NTM: variants seen among roughly 807,000 people sequenced by gnomAD.
NTM encodes IgLON family member 2.
NTM carries 13 observed loss-of-function variants against 42.1 expected under a neutral mutation model. That is an observed-to-expected ratio of 0.31 (90% CI 0.20 to 0.49). NTM has a LOEUF of 0.49. Among genes scored for constraint, NTM ranks in the 20% least tolerant of loss-of-function variants. The probability of loss-of-function intolerance (pLI) is 0.99; values close to 1 mark genes in which losing one functional copy is unlikely to be tolerated. For missense variants in NTM, 373 were observed against 452.8 expected, an observed-to-expected ratio of 0.82 and a Z score of 1.60; for synonymous variants, 187 against 179.2, an observed-to-expected ratio of 1.04 and a Z score of -0.35.
At chr11:132,030,175 T>C in intron 2 of NTM, among the ~76,000 whole-genome samples, 1 of 152,184 alleles carries the variant, frequency 6.6e-6, no homozygotes, top group Admixed American at 6.5e-5. Flanking sequence ...ACACTCCCTG[T>C]CTGGCTTCAT....
At chr11:132,264,766 C>T (rs141735291) in intron 4 of NTM, among the ~76,000 whole-genome samples, 1,960 of 152,264 alleles carry the variant, frequency 0.013, 13 homozygotes, top group Non-Finnish European at 0.019. Flanking sequence ...ACTTTATTAT[C>T]TCATTACCCA....
chr11:132,230,604 C>T (rs550893071), intron 4 of NTM, among the ~76,000 whole-genome samples: 1 of 152,366 alleles, frequency 6.6e-6, no homozygotes, highest in Admixed American at 6.5e-5. Context: ...GCGCACTTTG[C>T]CCACCCTCTC....
At chr11:132,028,036 T>C (rs910178843) in intron 2 of NTM, among the ~76,000 whole-genome samples, 1 of 152,160 alleles carries the variant, frequency 6.6e-6, no homozygotes, top group Non-Finnish European at 1.5e-5. Flanking sequence ...TGTTGATTTT[T>C]TTTTTTATTT....
At chr11:131,819,692 A>C (rs2093099996) in intron 1 of NTM, among the ~76,000 whole-genome samples, 1 of 152,108 alleles carries the variant, frequency 6.6e-6, no homozygotes, top group Non-Finnish European at 1.5e-5. Context: ...TTCCAAGCTC[A>C]CTTTGCCCAG....
intron 1 of NTM, among the ~76,000 whole-genome samples, chr11:131,375,618 G>A (rs1230034285): frequency 6.6e-6 from 1 of 152,152 alleles, no homozygotes; most frequent in African/African-American, 2.4e-5. Flanking sequence ...AGGCTTCAGT[G>A]TGGGACTGCA....
chr11:131,820,571 A>G (rs532134237), intron 1 of NTM, among the ~76,000 whole-genome samples: 11 of 152,356 alleles, frequency 7.2e-5, no homozygotes, highest in African/African-American at 2.4e-4. Flanking sequence ...AGGCCACCTG[A>G]GAGTCTTTTC....
chr11:132,289,283 TTC>T (rs1168594460), intron 4 of NTM, among the ~76,000 whole-genome samples: 5 of 152,208 alleles, frequency 3.3e-5, no homozygotes, highest in African/African-American at 1.2e-4. Flanking sequence ...AGACTCTAGA[TTC>T]TGTTAAGATC....
At chr11:132,209,434 GA>G (rs11341289) in intron 3 of NTM, among the ~76,000 whole-genome samples, 63,861 of 152,036 alleles carry the variant, frequency 0.42, 13,972 homozygotes, top group Middle Eastern at 0.56. Context: ...TGCATATGCA[GA>G]GACACACACG....
chr11:132,103,990 A>T (rs1322894117), intron 2 of NTM, among the ~76,000 whole-genome samples: 1 of 152,244 alleles, frequency 6.6e-6, no homozygotes, highest in African/African-American at 2.4e-5. Context: ...ATTTGAAGTT[A>T]TGCGTATGGT....
At chr11:131,490,472 C>T (rs757924943) in intron 1 of NTM, among the ~76,000 whole-genome samples, 9 of 152,202 alleles carry the variant, frequency 5.9e-5, no homozygotes, top group Non-Finnish European at 1.2e-4. Context: ...GTGCAAGGCT[C>T]AGCAGGGTTG....
intron 1 of NTM, among the ~76,000 whole-genome samples, chr11:131,458,146 A>C (rs1386523902): frequency 6.6e-6 from 1 of 152,212 alleles, no homozygotes; most frequent in Non-Finnish European, 1.5e-5. Flanking sequence ...AATACTCAGC[A>C]GAGAAGGAAG....
rs537476892 is a variant in NTM at position 131,630,346 on chromosome 11, C to G, written c.82+259458C>G. ...TCTCTCTGCCAAGCCGTAACTTAAT[C>G]TCTTGTGACTAATCCTAGCTTCAAA... On this transcript the variant is annotated intron_variant, in intron 1 of 8. Transcript: ENST00000683400. Among the ~76,000 whole-genome samples, 18 of 152,278 alleles carry G rather than the reference C, an allele frequency of 1.2e-4. No individual in the cohort carries two copies. In the South Asian group the frequency reaches 3.7e-3, roughly 32 times the overall value.
chr11:131,660,971 A>T, intron 1 of NTM: 1 of 1,304,342 alleles, frequency 7.7e-7, no homozygotes, highest in Non-Finnish European at 1.0e-6. Context: ...GCAAAGTTGG[A>T]TGTTTTTAAA....
chr11:131,731,894 T>C (rs1289456303), intron 1 of NTM, among the ~76,000 whole-genome samples: 1 of 152,210 alleles, frequency 6.6e-6, no homozygotes, highest in Non-Finnish European at 1.5e-5. Flanking sequence ...TTGGTGCTGC[T>C]GGGCGGACCT....
At chr11:131,514,893 T>C (rs1356537068) in intron 1 of NTM, among the ~76,000 whole-genome samples, 1 of 151,866 alleles carries the variant, frequency 6.6e-6, no homozygotes, top group African/African-American at 2.4e-5. Flanking sequence ...TGCCCGGCCT[T>C]GTATTTTATA....
At chr11:131,564,503 A>T (rs1487917853) in intron 1 of NTM, among the ~76,000 whole-genome samples, 5 of 149,592 alleles carry the variant, frequency 3.3e-5, no homozygotes, top group South Asian at 4.3e-4. Flanking sequence ...TTCTTTTTCA[A>T]TTTTTTTTTT....
chr11:131,778,233 G>T (rs1381386880), intron 1 of NTM, among the ~76,000 whole-genome samples: 1 of 152,198 alleles, frequency 6.6e-6, no homozygotes, highest in Non-Finnish European at 1.5e-5. Context: ...GGTGATAGTT[G>T]GTGACTGGTT....
intron 1 of NTM, among the ~76,000 whole-genome samples, chr11:131,512,794 C>G (rs929912819): frequency 1.3e-5 from 2 of 152,214 alleles, no homozygotes; most frequent in African/African-American, 4.8e-5. Flanking sequence ...AGATCCATGA[C>G]GAGGATGCAG....
chr11:132,028,393 T>C (rs1593886976), intron 2 of NTM, among the ~76,000 whole-genome samples: 1 of 152,218 alleles, frequency 6.6e-6, no homozygotes. Flanking sequence ...CTGTAATTAT[T>C]GCTTGTTGTA....
Sources: gnomAD v4.1 joint callset for allele counts (sites outside exome capture counted in the v4.1 genomes callset) on GRCh38, gnomAD v4.1.1 for gene constraint, MANE v1.5 for transcripts, NCBI Gene and HGNC (gene_info 2026-07-23, HGNC 2026-07-21) for gene names.